Variants in ULK4 observed in about 807,000 individuals in gnomAD.
ULK4 encodes unc-51 like kinase 4, also known as inactive serine/threonine-protein kinase ULK4.
A neutral mutation model predicts 160.6 loss-of-function variants in ULK4; 133 were observed. The observed-to-expected ratio is 0.83, with a 90% confidence interval of 0.72 to 0.96. The LOEUF is 0.96. Ranked by LOEUF, ULK4 falls within the 40% of genes least tolerant of loss-of-function variation. The pLI, the probability that ULK4 is intolerant of heterozygous loss-of-function variation, is 0.00. For missense variants in ULK4, 1,580 were observed against 1,499.5 expected (o/e 1.05, Z -0.89); for synonymous variants, 534 against 539.8 (o/e 0.99, Z 0.15).
chr3:41,953,562 C>A (rs1023230306), intron 2 of ULK4, among the ~76,000 whole-genome samples: 2 of 151,604 alleles, frequency 1.3e-5, no homozygotes, highest in African/African-American at 4.8e-5. Context: ...AGCCACCACA[C>A]CCAGCTTAAA....
intron 29 of ULK4, among the ~76,000 whole-genome samples, chr3:41,675,502 A>T (rs1271268296): frequency 6.6e-6 from 1 of 152,226 alleles, no homozygotes; most frequent in Admixed American, 6.5e-5. Flanking sequence ...AGGCAGGAGA[A>T]TCTCTTGAAC....
At chr3:41,399,512 CT>C (rs979969728) in intron 34 of ULK4, among the ~76,000 whole-genome samples, 8 of 151,574 alleles carry the variant, frequency 5.3e-5, no homozygotes, top group South Asian at 4.2e-4. Context: ...AAAACTCTAA[CT>C]TTTTTTTTAT....
chr3:41,335,865 A>G (rs578018968), intron 35 of ULK4, among the ~76,000 whole-genome samples: 16 of 152,352 alleles, frequency 1.1e-4, no homozygotes, highest in African/African-American at 2.9e-4. Context: ...GGAACACGTC[A>G]ACATCAGGTA....
intron 30 of ULK4, among the ~76,000 whole-genome samples, chr3:41,623,350 G>C (rs2033345415): frequency 6.6e-6 from 1 of 152,100 alleles, no homozygotes; most frequent in Non-Finnish European, 1.5e-5. Context: ...ATGAGATACA[G>C]AGATTTACCA....
intron 34 of ULK4, among the ~76,000 whole-genome samples, chr3:41,410,061 T>G (rs1023697767): frequency 6.6e-6 from 1 of 152,120 alleles, no homozygotes; most frequent in African/African-American, 2.4e-5. Context: ...TTGGTGAGTA[T>G]GTGGAGAAAC....
intron 35 of ULK4, among the ~76,000 whole-genome samples, chr3:41,395,189 T>G (rs1307101569): frequency 1.3e-5 from 1 of 78,504 alleles, no homozygotes; most frequent in African/African-American, 7.3e-5. Flanking sequence ...TTGAAAGCAC[T>G]CCAAAAAAAA....
Position 41,269,809 on chromosome 3 carries a change from G to A in ULK4, c.3679-20235C>T, listed in dbSNP as rs151203208. Among the ~76,000 whole-genome samples the A allele has an allele frequency of 5.3e-4, 80 of 152,226 alleles. 1 individual carries two copies. In the East Asian group the frequency reaches 0.012, roughly 23 times the overall value. ...ATAAAGTTAAGTTACCTAATAAAGTGTACAATAAAGTACTTGCACATGACT... is the reference window on the plus strand; with the variant it reads ...ATAAAGTTAAGTTACCTAATAAAGTATACAATAAAGTACTTGCACATGACT... On this transcript the variant is annotated intron_variant, in intron 35 of 36. Coordinates refer to ENST00000301831, the MANE Select transcript of ULK4 (RefSeq NM_017886.4).
At chr3:41,946,746 G>A (rs575563689) in intron 2 of ULK4, among the ~76,000 whole-genome samples, 1 of 152,156 alleles carries the variant, frequency 6.6e-6, no homozygotes, top group Non-Finnish European at 1.5e-5. Context: ...GTTGTGATCA[G>A]GTTTCCATGT....
chr3:41,515,532 G>A (rs1221689465), intron 32 of ULK4, among the ~76,000 whole-genome samples: 2 of 152,208 alleles, frequency 1.3e-5, no homozygotes, highest in Non-Finnish European at 2.9e-5. Context: ...AGGTTTAACT[G>A]ACACAGTTCT....
chr3:41,899,327 G>A (rs1290111284), intron 13 of ULK4: 2 of 152,196 alleles, frequency 1.3e-5, no homozygotes, highest in African/African-American at 4.8e-5. Context: ...ATTAAGAGCA[G>A]CTGGGCAAAA....
chr3:41,423,494 C>T (rs764223705), intron 34 of ULK4, among the ~76,000 whole-genome samples: 18 of 152,152 alleles, frequency 1.2e-4, no homozygotes, highest in Admixed American at 2.6e-4. Flanking sequence ...AATAGAGCAT[C>T]GTGGTTTCCT....
chr3:41,646,363 C>T (rs923892376), intron 30 of ULK4, among the ~76,000 whole-genome samples: 4 of 152,178 alleles, frequency 2.6e-5, no homozygotes, highest in African/African-American at 7.2e-5. Context: ...GTGCTTCCTT[C>T]AGGAGCTCTT....
intron 27 of ULK4, among the ~76,000 whole-genome samples, chr3:41,699,156 G>T (rs2036590755): frequency 1.3e-5 from 2 of 152,092 alleles, no homozygotes; most frequent in African/African-American, 4.8e-5. Context: ...TTCAGCTTTA[G>T]TAGCTACTGC....
chr3:41,490,854 A>G (rs1391570678), intron 32 of ULK4, among the ~76,000 whole-genome samples: 2 of 152,182 alleles, frequency 1.3e-5, no homozygotes, highest in African/African-American at 4.8e-5. Flanking sequence ...CATGGACTAC[A>G]TCTTCTAAAT....
intron 34 of ULK4, among the ~76,000 whole-genome samples, chr3:41,411,488 C>T (rs1227131152): frequency 4.7e-5 from 7 of 149,762 alleles, no homozygotes; most frequent in South Asian, 2.1e-4. Context: ...AGTGCAGTGG[C>T]GCTATCTCAG....
At chr3:41,478,491 G>T (rs1467050761) in intron 32 of ULK4, among the ~76,000 whole-genome samples, 1 of 152,186 alleles carries the variant, frequency 6.6e-6, no homozygotes, top group African/African-American at 2.4e-5. Flanking sequence ...GATTAGCAAA[G>T]ATTACTGTGT....
rs2034446419 is a variant in ULK4 at position 41,645,551 on chromosome 3, G to C, written c.3071+18056C>G. On this transcript the variant is annotated intron_variant, in intron 30 of 36. Coordinates refer to ENST00000301831, the MANE Select transcript of ULK4 (RefSeq NM_017886.4). The stretch of plus-strand genomic sequence containing the variant: ...TTCTAGTTTGATTGCACTGTGGTCT[G>C]AGAGACAGTTTGTTATAATTTCTGT... Among the ~76,000 whole-genome samples, 2 of 152,194 alleles carry C rather than the reference G, an allele frequency of 1.3e-5. 1 individual carries two copies. Among genetic ancestry groups the C allele is most frequent in the South Asian group, 4.1e-4 (2 of 4,824 alleles).
At chr3:41,553,242 A>G (rs907424705) in intron 32 of ULK4, among the ~76,000 whole-genome samples, 5 of 152,114 alleles carry the variant, frequency 3.3e-5, no homozygotes, top group African/African-American at 9.7e-5. Context: ...CAAAAACAAA[A>G]ATAGACAAAT....
intron 27 of ULK4, among the ~76,000 whole-genome samples, chr3:41,683,635 C>T (rs1166651565): frequency 6.6e-6 from 1 of 151,706 alleles, no homozygotes; most frequent in African/African-American, 2.4e-5. Context: ...CTTCCTTTTT[C>T]CTTCCCTTCC....
Sources: gnomAD v4.1 joint callset for allele counts (sites outside exome capture counted in the v4.1 genomes callset) on GRCh38, gnomAD v4.1.1 for gene constraint, MANE v1.5 for transcripts, NCBI Gene and HGNC (gene_info 2026-07-23, HGNC 2026-07-21) for gene names.